Variants in CCBE1 observed in about 807,000 individuals in gnomAD.
CCBE1 encodes the protein collagen and calcium binding EGF domains 1.
CCBE1 carries 37 observed loss-of-function variants against 50.0 expected under a neutral mutation model. The ratio of observed to expected loss-of-function variants is 0.74; its 90% CI spans 0.57 to 0.97. The LOEUF is 0.97. Ranked by LOEUF, CCBE1 falls within the 50% of genes least tolerant of loss-of-function variation. The pLI, the probability that CCBE1 is intolerant of heterozygous loss-of-function variation, is 0.00. For synonymous variants in CCBE1, 234 were observed against 203.7 expected, an observed-to-expected ratio of 1.15 and a Z score of -1.27; for missense variants, 538 against 523.8, an observed-to-expected ratio of 1.03 and a Z score of -0.26.
intron 2 of CCBE1, among the ~76,000 whole-genome samples, chr18:59,554,742 A>T (rs1428309544): frequency 2.6e-5 from 4 of 152,168 alleles, no homozygotes; most frequent in Non-Finnish European, 5.9e-5. Flanking sequence ...TTTATGTGAG[A>T]AGGTGGTTGA....
At chr18:59,604,516 A>G (rs983148317) in intron 2 of CCBE1, among the ~76,000 whole-genome samples, 2 of 152,236 alleles carry the variant, frequency 1.3e-5, no homozygotes, top group African/African-American at 2.4e-5. Flanking sequence ...AAGTCAAATT[A>G]CTACTCCCTT....
intron 2 of CCBE1, among the ~76,000 whole-genome samples, chr18:59,606,119 A>G (rs776069875): frequency 6.6e-6 from 1 of 152,234 alleles, no homozygotes; most frequent in Non-Finnish European, 1.5e-5. Flanking sequence ...TCTTAGTAAT[A>G]ACACGCTTAA....
At chr18:59,609,375 C>T (rs773915647) in intron 2 of CCBE1, among the ~76,000 whole-genome samples, 1 of 152,168 alleles carries the variant, frequency 6.6e-6, no homozygotes, top group Non-Finnish European at 1.5e-5. Flanking sequence ...TTAGTAGGTC[C>T]AAATCTGTAA....
chr18:59,625,430 C>CAAAAAAAAAAAAAAAAAAAAA (rs750324482), intron 2 of CCBE1, among the ~76,000 whole-genome samples: 1 of 69,920 alleles, frequency 1.4e-5, no homozygotes, highest in African/African-American at 6.1e-5. Context: ...GATTCTGTCT[C>CAAAAAAAAAAAAAAAAAAAAA]AAAAAAAAAA....
intron 2 of CCBE1, among the ~76,000 whole-genome samples, chr18:59,543,800 A>G (rs369818766): frequency 7.4e-6 from 1 of 134,594 alleles, no homozygotes; most frequent in South Asian, 2.4e-4. Context: ...GCGCCACTGC[A>G]CTCCAGGCTG....
rs1417123847 is a variant in CCBE1, at chr18:59,566,908, G to A, written c.213-86670C>T. Among the ~76,000 whole-genome samples the A allele has an allele frequency of 3.3e-5, 5 of 151,996 alleles. No homozygotes were observed. In the East Asian group the frequency reaches 7.7e-4, roughly 23 times the overall value. ...TTGTGAGAGAACGATGATGAAAGTC[G>A]GGGTGAAATGAACAATTAAGATAAA... On this transcript the variant is annotated intron_variant, in intron 2 of 10. Transcript: ENST00000439986.
chr18:59,439,568 C>T lies in CCBE1; in HGVS notation c.926G>A (p.Gly309Glu), dbSNP rs1000236210. 6.2e-7 allele frequency: 1 copy of T among 1,614,260 alleles called. No individual in the cohort carries two copies. The highest frequency in any genetic ancestry group is 1.7e-5 in the Admixed American group (1 of 60,032). ...CTTAGAACCATCTCTTCCTGGTGCC[C>T]CTGGTGGACCCTGTAATACAAAAGG... ...QGRRGPVGPP[G>E]APGRDGSKGE... is the part of the protein sequence containing the mutation. The change falls in exon 9 of 11, where the codon GGG (glycine) becomes GAG (glutamate). Residue 309 changes from glycine (G) to glutamate (E), a missense_variant. Coordinates refer to ENST00000439986, the MANE Select transcript of CCBE1 (RefSeq NM_133459.4).
chr18:59,527,418 C>T (rs375534610), intron 2 of CCBE1, among the ~76,000 whole-genome samples: 3 of 152,298 alleles, frequency 2.0e-5, no homozygotes, highest in African/African-American at 7.2e-5. Context: ...CTCTTGAACA[C>T]AGCACACTAA....
chr18:59,472,380 A>T (rs562612954), intron 3 of CCBE1, among the ~76,000 whole-genome samples: 1 of 152,334 alleles, frequency 6.6e-6, no homozygotes, highest in South Asian at 2.1e-4. Flanking sequence ...CTTTCTGTTA[A>T]ATAAGTGGTG....
chr18:59,629,294 C>T (rs772575066), intron 2 of CCBE1, among the ~76,000 whole-genome samples: 5 of 152,230 alleles, frequency 3.3e-5, no homozygotes, highest in Non-Finnish European at 7.3e-5. Context: ...TCATCTCTTT[C>T]TGGTCTTTGC....
At chr18:59,674,556 C>T (rs996976077) in intron 2 of CCBE1, among the ~76,000 whole-genome samples, 2 of 151,998 alleles carry the variant, frequency 1.3e-5, no homozygotes, top group African/African-American at 4.8e-5. Context: ...CACCATGGCA[C>T]GTATATACCT....
intron 2 of CCBE1, among the ~76,000 whole-genome samples, chr18:59,661,936 T>C (rs2054291462): frequency 6.6e-6 from 1 of 150,902 alleles, no homozygotes; most frequent in South Asian, 2.1e-4. Flanking sequence ...CACTGTACTC[T>C]AGCCAGGGCA....
chr18:59,613,075 G>C (rs1391293308), intron 2 of CCBE1, among the ~76,000 whole-genome samples: 1 of 152,016 alleles, frequency 6.6e-6, no homozygotes, highest in East Asian at 1.9e-4. Flanking sequence ...AGGGGCTTGA[G>C]GTGGGGAGTG....
chr18:59,646,399 T>C (rs2054055680), intron 2 of CCBE1, among the ~76,000 whole-genome samples: 1 of 152,064 alleles, frequency 6.6e-6, no homozygotes, highest in Non-Finnish European at 1.5e-5. Context: ...AACCCAGAAG[T>C]GGATGGCCCA....
At chr18:59,697,592 GGC>G (rs538035134), upstream of CCBE1, 1 of 527,426 alleles carries the variant, frequency 1.9e-6, no homozygotes, top group Non-Finnish European at 3.4e-6. Flanking sequence ...GTGTCCGGCT[GGC>G]GCGAGGGCCC....
At chr18:59,495,714 G>A (rs1003213989) in intron 2 of CCBE1, among the ~76,000 whole-genome samples, 1 of 151,762 alleles carries the variant, frequency 6.6e-6, no homozygotes, top group African/African-American at 2.4e-5. Context: ...AAAGGAAGAT[G>A]ACCCTCTGAC....
At chr18:59,615,247 G>A (rs533290858) in intron 2 of CCBE1, among the ~76,000 whole-genome samples, 6 of 152,286 alleles carry the variant, frequency 3.9e-5, no homozygotes, top group African/African-American at 1.4e-4. Context: ...AAACCTGGAT[G>A]GTTTCCTACC....
chr18:59,436,642 G>A lies in CCBE1; in HGVS notation c.988-501C>T, dbSNP rs145360390. Among the ~76,000 whole-genome samples the A allele has an allele frequency of 1.8e-4, 28 of 152,208 alleles. 1 individual carries two copies. The highest frequency in any genetic ancestry group is 6.3e-4 in the African/African-American group (26 of 41,440). On this transcript the variant is annotated intron_variant, in intron 10 of 10. Transcript: ENST00000439986. ...AGTGAGGATTTAAGCAAGTAAATAC[G>A]TGTAAAGGGCTTTGAGCATAATACG...
chr18:59,532,833 A>G (rs1286557138), intron 2 of CCBE1, among the ~76,000 whole-genome samples: 2 of 152,196 alleles, frequency 1.3e-5, no homozygotes, highest in Non-Finnish European at 2.9e-5. Context: ...TATATACAAT[A>G]AAATTGTTCT....
Sources: gnomAD v4.1 joint callset for allele counts (sites outside exome capture counted in the v4.1 genomes callset) on GRCh38, gnomAD v4.1.1 for gene constraint, MANE v1.5 for transcripts, NCBI Gene and HGNC (gene_info 2026-07-23, HGNC 2026-07-21) for gene names.